Variants in KLHL6 observed in about 807,000 individuals in gnomAD.
The protein encoded by KLHL6 is kelch like family member 6.
KLHL6 carries 41 observed loss-of-function variants against 58.6 expected under a neutral mutation model. The ratio of observed to expected loss-of-function variants is 0.70; its 90% CI spans 0.55 to 0.91. The LOEUF is 0.91. Ranked by LOEUF, KLHL6 falls within the 40% of genes least tolerant of loss-of-function variation. The pLI is 0.00. For missense variants in KLHL6, 714 were observed against 805.6 expected (o/e 0.89, Z 1.38); for synonymous variants, 338 against 322.7 (o/e 1.05, Z -0.51).
chr3:183,529,515 C>T lies in KLHL6; in HGVS notation c.294-1505G>A, dbSNP rs974524050. Among the ~76,000 whole-genome samples, 32 of 151,776 alleles carry T rather than the reference C, an allele frequency of 2.1e-4. 1 individual carries two copies. Among genetic ancestry groups the T allele is most frequent in the African/African-American group, 7.7e-4 (32 of 41,300 alleles). On this transcript the variant is annotated intron_variant, in intron 1 of 6. Coordinates refer to ENST00000341319, the MANE Select transcript of KLHL6 (RefSeq NM_130446.4). ...GGAATTTTGGAAACTTATATGGTAC[C>T]TAAAATATAGCAAGAATGCATGAAT...
At chr3:183,532,942 A>G (rs1712208322) in intron 1 of KLHL6, among the ~76,000 whole-genome samples, 1 of 152,200 alleles carries the variant, frequency 6.6e-6, no homozygotes, top group Non-Finnish European at 1.5e-5. Context: ...ACCCATAAAG[A>G]GCTGGGAGGC....
At chr3:183,511,561 C>A (rs990525389) in intron 2 of KLHL6, among the ~76,000 whole-genome samples, 3 of 152,210 alleles carry the variant, frequency 2.0e-5, no homozygotes, top group African/African-American at 7.2e-5. Context: ...ATATTTCAGA[C>A]TATCACATGG....
In KLHL6 at chr3:183,489,422, C is replaced by T. The variant is rs1717482463; in HGVS notation, c.*2505G>A. The T allele has an allele frequency of 6.6e-6, 1 of 152,210 alleles. No homozygotes were observed. Among genetic ancestry groups the T allele is most frequent in the Non-Finnish European group, 1.5e-5 (1 of 68,044 alleles). 9.4% of individuals were successfully genotyped at this position (152,210 alleles called of 1,614,324 possible). A position where few individuals can be genotyped will look rare whatever the true frequency, so the allele number is the denominator to read the frequency against. The stretch of plus-strand genomic sequence containing the variant: ...AGACTTGGATCCAGCCTCCTCACTT[C>T]ATACGCATCTCATTTTTAGCTAACT... On this transcript the variant is annotated 3_prime_UTR_variant, in exon 7 of 7. Transcript: ENST00000341319.
At chr3:183,502,077 G>A (rs1405412128) in intron 3 of KLHL6, among the ~76,000 whole-genome samples, 1 of 152,074 alleles carries the variant, frequency 6.6e-6, no homozygotes, top group African/African-American at 2.4e-5. Context: ...ATCACCTGAG[G>A]TCAGGAGTTC....
rs142868096 is a variant in KLHL6, at chr3:183,528,391, C to T, written c.294-381G>A. ...ACTCTCACACTAGCTCTCGTTTGGC[C>T]TGGAGCCTGGCCCCACATTCTGGCC... On this transcript the variant is annotated intron_variant, in intron 1 of 6. Transcript: ENST00000341319. 3.3e-4 allele frequency among the ~76,000 whole-genome samples: 51 copies of T among 152,376 alleles called. No individual in the cohort carries two copies. The East Asian group carries it at 7.7e-3, about 23-fold the overall frequency.
At position 183,487,788 on chromosome 3, in the gene KLHL6, A is replaced by C. The variant is rs1717441659; in HGVS notation, c.*4139T>G. 6.6e-6 allele frequency: 1 copy of C among 152,208 alleles called. No homozygotes were observed. Among genetic ancestry groups the C allele is most frequent in the Non-Finnish European group, 1.5e-5 (1 of 68,036 alleles). 9.4% of individuals were successfully genotyped at this position (152,208 alleles called of 1,614,324 possible). On this transcript the variant is annotated 3_prime_UTR_variant, in exon 7 of 7. Coordinates refer to ENST00000341319, the MANE Select transcript of KLHL6 (RefSeq NM_130446.4). ...GATATATGTGGATTTCTAAAAGGTT[A>C]ACTTGTCAAATTATGAGATCTAATA...
rs773490211 is a variant in KLHL6 at position 183,491,989 on chromosome 3, C to T, written c.1804G>A (p.Val602Ile). The T allele has an allele frequency of 1.9e-6, 3 of 1,581,368 alleles. No individual in the cohort carries two copies. Among genetic ancestry groups the T allele is most frequent in the Non-Finnish European group, 2.6e-6 (3 of 1,161,264 alleles). Residue 602 changes from valine to isoleucine, a missense_variant, in exon 7 of 7, where the codon GTC (valine) becomes ATC (isoleucine). By Grantham distance (29) the Val-to-Ile change is conservative. Transcript: ENST00000341319. ...LPRGVSHHGS[V>I]TIRKSYTHIR... Reference sequence around the variant, plus strand: ...TGGGTGTACGACTTCCTGATGGTGACGCTGCCGTGGTGCGACACGCCCCGG... The same window carrying T: ...TGGGTGTACGACTTCCTGATGGTGATGCTGCCGTGGTGCGACACGCCCCGG...
chr3:183,502,463 C>T (rs1717893324), intron 3 of KLHL6, among the ~76,000 whole-genome samples: 1 of 152,098 alleles, frequency 6.6e-6, no homozygotes, highest in African/African-American at 2.4e-5. Context: ...TAGAATTGGT[C>T]TCTATGACCA....
intron 1 of KLHL6, among the ~76,000 whole-genome samples, chr3:183,549,413 T>A (rs1202612886): frequency 6.6e-6 from 1 of 152,232 alleles, no homozygotes; most frequent in East Asian, 1.9e-4. Flanking sequence ...CAGCATTATA[T>A]ATCTATAATC....
chr3:183,507,636 T>G (rs964765318), intron 3 of KLHL6, among the ~76,000 whole-genome samples: 1 of 152,140 alleles, frequency 6.6e-6, no homozygotes, highest in African/African-American at 2.4e-5. Flanking sequence ...GGTTTCACCA[T>G]GTTGGCCAGG....
intron 1 of KLHL6, among the ~76,000 whole-genome samples, chr3:183,532,434 C>CTGCATAACAATACTAATGCAAG (rs1712192539): frequency 6.6e-6 from 1 of 152,236 alleles, no homozygotes; most frequent in Non-Finnish European, 1.5e-5. Context: ...GCAGCCCAAG[C>CTGCATAACAATACTAATGCAAG]TGACTAATAC....
intron 2 of KLHL6, among the ~76,000 whole-genome samples, chr3:183,519,726 T>C (rs1262534590): frequency 6.7e-6 from 1 of 150,218 alleles, no homozygotes; most frequent in Non-Finnish European, 1.5e-5. Flanking sequence ...GTCTCTAAAA[T>C]AATAATAATA....
Position 183,490,594 on chromosome 3 carries a change from C to T in KLHL6, c.*1333G>A, listed in dbSNP as rs920280909. The T allele has an allele frequency of 1.3e-5, 2 of 152,064 alleles. No individual in the cohort carries two copies. The highest frequency in any genetic ancestry group is 2.9e-5 in the Non-Finnish European group (2 of 68,046). The allele number at this position is 152,064 out of a possible 1,614,324, so 9.4% of individuals were successfully genotyped here. On this transcript the variant is annotated 3_prime_UTR_variant, in exon 7 of 7. Transcript: ENST00000341319. ...GGCCGAGGCGGGCAGATCACAAGGT[C>T]AGGCGTTCAAGACCAGCCTGGCCAA...
At chr3:183,539,494 G>A (rs1354885027) in intron 1 of KLHL6, among the ~76,000 whole-genome samples, 2 of 152,112 alleles carry the variant, frequency 1.3e-5, no homozygotes, top group Admixed American at 6.5e-5. Flanking sequence ...CAGATCTCGA[G>A]GTCAGGAGTT....
intron 1 of KLHL6, among the ~76,000 whole-genome samples, chr3:183,534,950 A>ATTTTT (rs1314848457): frequency 6.2e-5 from 6 of 96,738 alleles, no homozygotes; most frequent in African/African-American, 1.8e-4. Flanking sequence ...ATATATATAT[A>ATTTTT]TTTTTTTTTT....
At chr3:183,512,567 C>T (rs1213383264) in intron 2 of KLHL6, among the ~76,000 whole-genome samples, 3 of 152,048 alleles carry the variant, frequency 2.0e-5, no homozygotes, top group East Asian at 3.9e-4. Flanking sequence ...TCTTGGCTCA[C>T]CACAGCCTCC....
At chr3:183,506,609 C>G (rs1317583448) in intron 3 of KLHL6, among the ~76,000 whole-genome samples, 1 of 152,082 alleles carries the variant, frequency 6.6e-6, no homozygotes, top group Non-Finnish European at 1.5e-5. Flanking sequence ...GAGAAGATCA[C>G]TTAAGCTCAG....
intron 2 of KLHL6, among the ~76,000 whole-genome samples, chr3:183,523,848 C>G: frequency 6.6e-6 from 1 of 152,284 alleles, no homozygotes. Flanking sequence ...CAACCTCCCC[C>G]TTCCGGGTTC....
intron 2 of KLHL6, among the ~76,000 whole-genome samples, chr3:183,509,425 A>G (rs1718115810): frequency 6.6e-6 from 1 of 152,248 alleles, no homozygotes. Context: ...GAAAACATAC[A>G]CAGAATAAAG....
Sources: gnomAD v4.1 joint callset for allele counts (sites outside exome capture counted in the v4.1 genomes callset) on GRCh38, gnomAD v4.1.1 for gene constraint, MANE v1.5 for transcripts, NCBI Gene and HGNC (gene_info 2026-07-23, HGNC 2026-07-21) for gene names.